ASIC2: variants seen among roughly 807,000 people sequenced by gnomAD.
ASIC2 encodes the protein acid sensing ion channel subunit 2.
In ASIC2, 25 loss-of-function variants were observed where a neutral mutation model predicts 57.3. The observed-to-expected ratio is 0.44, with a 90% CI of 0.32 to 0.61. The LOEUF (loss-of-function observed/expected upper bound fraction) is 0.61, where lower values mean the gene tolerates loss of function less well. Among genes scored for constraint, ASIC2 ranks in the 20% least tolerant of loss-of-function variants. ASIC2 has a pLI of 0.06. For missense variants in ASIC2, 641 were observed against 738.1 expected (o/e 0.87, Z 1.52); for synonymous variants, 319 against 307.5 (o/e 1.04, Z -0.39).
At chr17:33,081,926 T>C (rs1351765040) in intron 3 of ASIC2, among the ~76,000 whole-genome samples, 2 of 152,176 alleles carry the variant, frequency 1.3e-5, no homozygotes, top group East Asian at 3.9e-4. Context: ...CTAAGTATTC[T>C]TATTTGCCTT....
intron 1 of ASIC2, among the ~76,000 whole-genome samples, chr17:34,087,924 T>C (rs2142084756): frequency 6.6e-6 from 1 of 152,356 alleles, no homozygotes; most frequent in African/African-American, 2.4e-5. Context: ...TATTGGTTAT[T>C]CTAGTTATAC....
chr17:33,292,293 C>T lies in ASIC2; in HGVS notation c.-178G>A. ...CATGCCCGCCCGGCGCCGCCGCTGCCGCCTCCGCGGGCGCCCGCCCGGGGC... is the reference window on the plus strand; with the variant it reads ...CATGCCCGCCCGGCGCCGCCGCTGCTGCCTCCGCGGGCGCCCGCCCGGGGC... On this transcript the variant is annotated 5_prime_UTR_variant, in exon 1 of 10. Coordinates refer to ENST00000225823, the MANE Select transcript of ASIC2 (RefSeq NM_183377.2). 1.0e-6 allele frequency: 1 copy of T among 987,506 alleles called. No individual in the cohort carries two copies. Among genetic ancestry groups the T allele is most frequent in the Non-Finnish European group, 1.2e-6 (1 of 832,306 alleles). 61.2% of individuals were successfully genotyped at this position (987,506 alleles called of 1,614,324 possible).
chr17:33,237,079 C>T (rs867784152), intron 1 of ASIC2, among the ~76,000 whole-genome samples: 31 of 152,242 alleles, frequency 2.0e-4, no homozygotes, highest in Middle Eastern at 3.4e-3. Context: ...TACCTGTAAT[C>T]CCATTTTGAT....
chr17:33,240,299 CACA>C (rs1310378720), intron 1 of ASIC2, among the ~76,000 whole-genome samples: 9 of 152,174 alleles, frequency 5.9e-5, no homozygotes, highest in Admixed American at 1.3e-4. Context: ...AGCAGCTTCA[CACA>C]TCAGACCTGT....
At chr17:33,371,853 A>G (rs1450489185) in intron 1 of ASIC2, among the ~76,000 whole-genome samples, 1 of 152,160 alleles carries the variant, frequency 6.6e-6, no homozygotes, top group Admixed American at 6.6e-5. Flanking sequence ...AGCCTTTAAA[A>G]TGATTTGGAA....
upstream of ASIC2, among the ~76,000 whole-genome samples, chr17:33,297,971 G>C (rs1192861603): frequency 4.4e-4 from 49 of 112,322 alleles, no homozygotes; most frequent in African/African-American, 1.7e-3. Context: ...TTTTTTTTTT[G>C]GTCTTATTTC....
chr17:33,187,693 C>T (rs1441986633), intron 1 of ASIC2, among the ~76,000 whole-genome samples: 1 of 152,046 alleles, frequency 6.6e-6, no homozygotes, highest in East Asian at 1.9e-4. Flanking sequence ...TGACTGTGTT[C>T]CATTAAAACT....
At chr17:33,516,963 G>A (rs184521741) in intron 1 of ASIC2, among the ~76,000 whole-genome samples, 5 of 152,270 alleles carry the variant, frequency 3.3e-5, no homozygotes, top group Admixed American at 6.5e-5. Flanking sequence ...AGAATGTATC[G>A]GTGCCGCATG....
intron 1 of ASIC2, among the ~76,000 whole-genome samples, chr17:33,497,520 A>T (rs772494393): frequency 6.6e-6 from 1 of 152,208 alleles, no homozygotes; most frequent in Non-Finnish European, 1.5e-5. Flanking sequence ...GCGAAAGCAC[A>T]CTTTCCTGAG....
At chr17:33,261,921 C>G (rs4795757) in intron 1 of ASIC2, among the ~76,000 whole-genome samples, 52,499 of 152,048 alleles carry the variant, frequency 0.35, 9,169 homozygotes, top group South Asian at 0.43. Flanking sequence ...ATCTGGGTGC[C>G]GTGGCCTCTT....
At chr17:33,504,176 T>A (rs1025825283) in intron 1 of ASIC2, among the ~76,000 whole-genome samples, 1 of 152,218 alleles carries the variant, frequency 6.6e-6, no homozygotes, top group African/African-American at 2.4e-5. Context: ...AGAATTTGTA[T>A]CTAGATATTC....
chr17:34,089,095 A>C (rs1031137049), intron 1 of ASIC2, among the ~76,000 whole-genome samples: 4 of 152,344 alleles, frequency 2.6e-5, no homozygotes, highest in Admixed American at 2.6e-4. Context: ...CCGGTACCTC[A>C]GATGGAAATG....
chr17:33,149,093 TA>T (rs1021855354), intron 1 of ASIC2, among the ~76,000 whole-genome samples: 1 of 151,698 alleles, frequency 6.6e-6, no homozygotes, highest in Non-Finnish European at 1.5e-5. Context: ...GAGTCTGTCT[TA>T]AAAAAAAGAA....
chr17:33,867,637 G>A (rs9909626), intron 1 of ASIC2, among the ~76,000 whole-genome samples: 40,592 of 152,096 alleles, frequency 0.27, 5,597 homozygotes, highest in Non-Finnish European at 0.29. Context: ...GTCTCCTTCA[G>A]GGGGCTGAGG....
At chr17:33,971,636 A>G (rs2141998642) in intron 1 of ASIC2, among the ~76,000 whole-genome samples, 1 of 152,342 alleles carries the variant, frequency 6.6e-6, no homozygotes, top group Non-Finnish European at 1.5e-5. Context: ...TATACATGTA[A>G]GGACACACAA....
At chr17:33,699,742 A>T (rs1259621650) in intron 1 of ASIC2, among the ~76,000 whole-genome samples, 1 of 152,216 alleles carries the variant, frequency 6.6e-6, no homozygotes, top group African/African-American at 2.4e-5. Flanking sequence ...ACATGGGCTT[A>T]GTGGCAAGAC....
At chr17:33,306,789 C>T (rs146658153) in intron 1 of ASIC2, among the ~76,000 whole-genome samples, 47 of 152,228 alleles carry the variant, frequency 3.1e-4, no homozygotes, top group African/African-American at 1.0e-3. Context: ...GCTTAAAATC[C>T]GTCAATGGCC....
At chr17:33,909,287 G>C (rs1427165303) in intron 1 of ASIC2, among the ~76,000 whole-genome samples, 2 of 152,170 alleles carry the variant, frequency 1.3e-5, no homozygotes, top group Non-Finnish European at 2.9e-5. Flanking sequence ...TAACAAAATA[G>C]CCCAGAACAG....
At chr17:33,085,300 G>A (rs2092130340) in intron 3 of ASIC2, among the ~76,000 whole-genome samples, 1 of 152,168 alleles carries the variant, frequency 6.6e-6, no homozygotes, top group Non-Finnish European at 1.5e-5. Flanking sequence ...ATGATTTTAT[G>A]TATCACCAAG....
Sources: gnomAD v4.1 joint callset for allele counts (sites outside exome capture counted in the v4.1 genomes callset) on GRCh38, gnomAD v4.1.1 for gene constraint, MANE v1.5 for transcripts, NCBI Gene and HGNC (gene_info 2026-07-23, HGNC 2026-07-21) for gene names.